KALRN: variants seen among roughly 807,000 people sequenced by gnomAD.
The protein encoded by KALRN is kalirin RhoGEF kinase.
In KALRN, 70 loss-of-function variants were observed where a neutral mutation model predicts 353.7. The ratio of observed to expected loss-of-function variants is 0.20; its 90% CI spans 0.16 to 0.24. The LOEUF (loss-of-function observed/expected upper bound fraction) is 0.24. KALRN is among the 10% of genes least tolerant of loss of function. The probability of loss-of-function intolerance (pLI) is 1.00; values close to 1 mark genes in which losing one functional copy is unlikely to be tolerated. For missense variants in KALRN, 2,791 were observed against 3,756.7 expected, an observed-to-expected ratio of 0.74 and a Z score of 6.72; for synonymous variants, 1,391 against 1,434.8, an observed-to-expected ratio of 0.97 and a Z score of 0.69.
intron 13 of KALRN, among the ~76,000 whole-genome samples, chr3:124,406,219 CTT>C (rs1282749400): frequency 6.6e-6 from 1 of 152,154 alleles, no homozygotes; most frequent in East Asian, 1.9e-4. Flanking sequence ...TATTTTAACT[CTT>C]CAGAGAGATT....
intron 1 of KALRN, 46 bp from the exon 2 acceptor site, chr3:124,227,944 A>T: frequency 6.7e-7 from 1 of 1,501,004 alleles, no homozygotes; most frequent in Non-Finnish European, 9.3e-7. Flanking sequence ...CGATTCAGCC[A>T]GCTGGCTCCT....
At chr3:124,269,336 T>C (rs2073904750) in intron 5 of KALRN, 81 bp downstream of exon 5, 6 of 1,425,276 alleles carry the variant, frequency 4.2e-6, no homozygotes, top group Middle Eastern at 2.6e-4. Flanking sequence ...TGATTAATGA[T>C]AGTACTTTCC....
intron 34 of KALRN, chr3:124,584,867 T>C (rs756459444): frequency 2.7e-5 from 44 of 1,607,162 alleles, no homozygotes; most frequent in Non-Finnish European, 3.7e-5. Flanking sequence ...CTCTTTGGGG[T>C]GGCTCTTTGC....
chr3:124,642,806 G>GTTTCTTTGTTGTTGTTGTTTTTTTTTT (rs2082196587), intron 37 of KALRN, among the ~76,000 whole-genome samples: 1 of 96,840 alleles, frequency 1.0e-5, no homozygotes, highest in Non-Finnish European at 1.9e-5. Flanking sequence ...CCCAAGCCTC[G>GTTTCTTTGTTGTTGTTGTTTTTTTTTT]TTTTTTTTTT....
intron 1 of KALRN, among the ~76,000 whole-genome samples, chr3:124,074,639 C>T (rs1301894329): frequency 6.6e-6 from 1 of 152,208 alleles, no homozygotes; most frequent in Non-Finnish European, 1.5e-5. Flanking sequence ...CCTGGAAAGA[C>T]TGTCCTATCA....
chr3:124,266,326 G>A (rs1351700109), intron 4 of KALRN, among the ~76,000 whole-genome samples: 1 of 152,000 alleles, frequency 6.6e-6, no homozygotes, highest in Non-Finnish European at 1.5e-5. Context: ...TGTTAGTGAT[G>A]GTTTATTCTA....
chr3:124,261,224 G>A (rs1451262222), intron 3 of KALRN, among the ~76,000 whole-genome samples: 3 of 151,984 alleles, frequency 2.0e-5, no homozygotes, highest in Non-Finnish European at 4.4e-5. Context: ...TTGAATTTTC[G>A]CTTAGCCACT....
intron 27 of KALRN, among the ~76,000 whole-genome samples, chr3:124,479,264 C>T (rs988461435): frequency 3.3e-5 from 5 of 152,196 alleles, no homozygotes; most frequent in Non-Finnish European, 7.3e-5. Context: ...CCGTTTCCAA[C>T]ATAGTGCCTA....
At chr3:124,281,088 T>C (rs982673519) in intron 5 of KALRN, among the ~76,000 whole-genome samples, 2 of 152,074 alleles carry the variant, frequency 1.3e-5, no homozygotes, top group Non-Finnish European at 2.9e-5. Flanking sequence ...CGCAAAGGAA[T>C]ATTAATCTCT....
chr3:124,711,610 C>G (rs182761050), intron 57 of KALRN, among the ~76,000 whole-genome samples: 5 of 152,298 alleles, frequency 3.3e-5, no homozygotes, highest in African/African-American at 9.6e-5. Context: ...TCTCTTGCCA[C>G]CTTCCACAGG....
At position 124,513,460 on chromosome 3, in the gene KALRN, A is replaced by G. The variant is rs368484061; in HGVS notation, c.4935+17047A>G. ...GGACACAGAGAGCGCCCACTAGGGA[A>G]AGCGTTTGCCACTGTGTGAGCAGCA... On this transcript the variant is annotated intron_variant, in intron 33 of 59. Transcript: ENST00000682506. Among the ~76,000 whole-genome samples, 26 of 152,206 alleles carry G rather than the reference A, an allele frequency of 1.7e-4. No homozygotes were observed. In the South Asian group the frequency reaches 2.1e-3, roughly 12 times the overall value.
At chr3:124,106,279 G>C (rs916696243) in intron 1 of KALRN, among the ~76,000 whole-genome samples, 5 of 152,160 alleles carry the variant, frequency 3.3e-5, no homozygotes, top group African/African-American at 1.2e-4. Flanking sequence ...AGTTCAGATG[G>C]TCCTGATATT....
At chr3:124,625,273 T>G (rs1271160827) in intron 34 of KALRN, among the ~76,000 whole-genome samples, 3 of 152,136 alleles carry the variant, frequency 2.0e-5, no homozygotes, top group African/African-American at 7.2e-5. Flanking sequence ...CAGTTCCACC[T>G]GGAGATTTAT....
intron 33 of KALRN, among the ~76,000 whole-genome samples, chr3:124,541,673 A>T (rs980989986): frequency 4.0e-5 from 6 of 151,758 alleles, no homozygotes; most frequent in African/African-American, 1.2e-4. Flanking sequence ...ACTTGAGGTC[A>T]GAAGTTTGAG....
intron 1 of KALRN, among the ~76,000 whole-genome samples, chr3:124,145,993 G>A (rs1442440273): frequency 6.6e-6 from 1 of 152,190 alleles, no homozygotes; most frequent in Admixed American, 6.5e-5. Flanking sequence ...TAAATAATAT[G>A]CCTGTTTGAG....
chr3:124,228,187 A>G, intron 2 of KALRN, 123 bp downstream of exon 2: 1 of 825,912 alleles, frequency 1.2e-6, no homozygotes. Context: ...TGCTTGGGGC[A>G]GCTGCTTTCT....
rs377220228 is a variant in KALRN, at chr3:124,227,276, C to G, written c.74-714C>G. Among the ~76,000 whole-genome samples the G allele has an allele frequency of 4.4e-4, 67 of 152,224 alleles. 1 individual carries two copies. Among genetic ancestry groups the G allele is most frequent in the African/African-American group, 1.5e-3 (62 of 41,522 alleles). On this transcript the variant is annotated intron_variant, in intron 1 of 59. Transcript: ENST00000682506. Reference sequence around the variant, plus strand: ...TGAGAAGCAAGATTTAGAAAGAGAACAAGTTAAACAAGGTAGTGGGTAGTG... The same window carrying G: ...TGAGAAGCAAGATTTAGAAAGAGAAGAAGTTAAACAAGGTAGTGGGTAGTG...
intron 34 of KALRN, among the ~76,000 whole-genome samples, chr3:124,625,532 A>G (rs650571): frequency 0.35 from 53,435 of 151,622 alleles, 10,881 homozygotes; most frequent in African/African-American, 0.56. Context: ...ACCAGCCCGG[A>G]CAACATCATG....
At chr3:124,406,389 T>C (rs2091540659) in intron 13 of KALRN, among the ~76,000 whole-genome samples, 2 of 152,220 alleles carry the variant, frequency 1.3e-5, no homozygotes, top group African/African-American at 4.8e-5. Context: ...GCTATTTTAT[T>C]CATCGTGGTA....
Sources: allele counts gnomAD v4.1 joint callset (sites outside exome capture counted in the v4.1 genomes callset), GRCh38; gene constraint gnomAD v4.1.1; transcripts MANE v1.5; gene names NCBI Gene and HGNC (gene_info 2026-07-23, HGNC 2026-07-21).